COL27A1: variants seen among roughly 807,000 people sequenced by gnomAD.
COL27A1 encodes the protein collagen alpha-1(XXVII) chain.
In COL27A1, 106 loss-of-function variants were observed where a neutral mutation model predicts 251.3. The ratio of observed to expected loss-of-function variants is 0.42; its 90% CI spans 0.36 to 0.50. COL27A1 has a LOEUF of 0.50. COL27A1 is among the 20% of genes least tolerant of loss of function. The pLI, the probability that COL27A1 is intolerant of heterozygous loss-of-function variation, is 0.00. For synonymous variants in COL27A1, 1,000 were observed against 986.3 expected, an observed-to-expected ratio of 1.01 and a Z score of -0.26; for missense variants, 2,325 against 2,522.8, an observed-to-expected ratio of 0.92 and a Z score of 1.68.
In COL27A1 at chr9:114,175,690, A is replaced by G. The variant is rs566150649; in HGVS notation, c.1909-2601A>G. On this transcript the variant is annotated intron_variant, in intron 3 of 60. Transcript: ENST00000356083. ...GTCAGACTCTATCCTGGATGCCCCT[A>G]TTTCTGGGGCAGAAGACATGCCAAG... Among the ~76,000 whole-genome samples, 3 of 152,140 alleles carry G rather than the reference A, an allele frequency of 2.0e-5. No homozygotes were observed. The East Asian group carries it at 5.8e-4, about 30-fold the overall frequency.
Position 114,301,123 on chromosome 9 carries a change from C to T in COL27A1, c.4753C>T (p.Pro1585Ser). 1 of 1,613,664 alleles carries T rather than the reference C, an allele frequency of 6.2e-7. No individual in the cohort carries two copies. The highest frequency in any genetic ancestry group is 1.3e-5 in the African/African-American group (1 of 75,046). Reference sequence around the variant, plus strand: ...CGGAATCCTGGGACCTTCGGGACTCCCGGTATGTGTGGGGATTGGACAGGA... The same window carrying T: ...CGGAATCCTGGGACCTTCGGGACTCTCGGTATGTGTGGGGATTGGACAGGA... ...PLGILGPSGL[P>S]GPKGDKGSRG... The change falls in exon 52 of 61, where the codon CCG becomes TCG. Residue 1585 changes from proline (P) to serine (S), a missense_variant and splice_region_variant. Physicochemically the swap from Pro to Ser is moderately conservative, Grantham distance 74. Transcript: ENST00000356083.
intron 44 of COL27A1, 84 bp downstream of exon 44, chr9:114,289,051 G>A (rs1827717970): frequency 1.3e-6 from 2 of 1,516,676 alleles, no homozygotes; most frequent in East Asian, 2.3e-5. Flanking sequence ...GCCCTTTAAA[G>A]CTTAAAGGGA....
chr9:114,179,199 C>G (rs990742981), intron 4 of COL27A1, among the ~76,000 whole-genome samples: 1 of 152,178 alleles, frequency 6.6e-6, no homozygotes, highest in Non-Finnish European at 1.5e-5. Flanking sequence ...CTGAGCCCAG[C>G]GAGTGGTTCT....
At chr9:114,162,665 G>A (rs1848580529) in intron 1 of COL27A1, 50 bp from the exon 2 acceptor site, 19 of 1,362,482 alleles carry the variant, frequency 1.4e-5, no homozygotes, top group Non-Finnish European at 2.0e-5. Context: ...GGATCCGGGT[G>A]TGAGGGGTGG....
At position 114,290,997 on chromosome 9, in the gene COL27A1, G is replaced by A; in HGVS notation, c.4476+80G>A. Reference sequence around the variant, plus strand: ...GACTCTAGTGGTTCCGACCCTTTGGGCACCCATGTCCCAGGGCCTGTGTGA... The same window carrying A: ...GACTCTAGTGGTTCCGACCCTTTGGACACCCATGTCCCAGGGCCTGTGTGA... On this transcript the variant is annotated intron_variant, in intron 48 of 60. Transcript: ENST00000356083. This position sits in a 1 kb window ranked among gnomAD's most constrained non-coding sequence, Gnocchi z 4.6. 1 of 1,009,866 alleles carries A rather than the reference G, an allele frequency of 9.9e-7. No individual in the cohort carries two copies. Among genetic ancestry groups the A allele is most frequent in the Non-Finnish European group, 1.5e-6 (1 of 686,996 alleles). The allele number at this position is 1,009,866 out of a possible 1,614,324, so 62.6% of individuals were successfully genotyped here.
At chr9:114,256,442 A>G (rs557650240) in intron 27 of COL27A1, among the ~76,000 whole-genome samples, 3 of 152,184 alleles carry the variant, frequency 2.0e-5, no homozygotes, top group Non-Finnish European at 4.4e-5. Flanking sequence ...GCAGTGAGCC[A>G]AGATAGCGCC....
At chr9:114,256,354 A>G (rs940280859) in intron 27 of COL27A1, among the ~76,000 whole-genome samples, 2 of 152,202 alleles carry the variant, frequency 1.3e-5, no homozygotes, top group Admixed American at 1.3e-4. Context: ...TTAGCCGGGC[A>G]TGGCGGCGGG....
chr9:114,276,541 G>T (rs58330214), intron 37 of COL27A1, among the ~76,000 whole-genome samples: 3,412 of 152,248 alleles, frequency 0.022, 114 homozygotes, highest in African/African-American at 0.078. Context: ...GGAGGCGGGG[G>T]TTGCAATGAG....
At chr9:114,175,387 C>G (rs10759684) in intron 3 of COL27A1, among the ~76,000 whole-genome samples, 1 of 152,086 alleles carries the variant, frequency 6.6e-6, no homozygotes, top group African/African-American at 2.4e-5. Flanking sequence ...TTTTCCACTG[C>G]GGAGAGAACA....
chr9:114,284,528 TG>T (rs1467776646), intron 40 of COL27A1, among the ~76,000 whole-genome samples, 195 bp from the exon 41 acceptor site: 1 of 152,154 alleles, frequency 6.6e-6, no homozygotes, highest in Non-Finnish European at 1.5e-5. Flanking sequence ...AACACCCCTT[TG>T]GGGTGTGTCT....
At chr9:114,306,252 C>T (rs542694491) in intron 57 of COL27A1, 8 of 360,356 alleles carry the variant, frequency 2.2e-5, no homozygotes, top group Admixed American at 1.7e-4. Flanking sequence ...ACCTCATTCA[C>T]GGGGCTCTGC....
rs765454716 is a variant in COL27A1, at chr9:114,167,741, T to C, written c.186T>C (p.Pro62=). 1.1e-5 allele frequency: 18 copies of C among 1,613,704 alleles called. No individual in the cohort carries two copies. In the Middle Eastern group the frequency reaches 6.6e-4, roughly 59 times the overall value. The part of the protein sequence containing the change: ...LGLSWTKAGS[P]APPGVIPFQS... ...TCAGCTGGACGAAGGCCGGGAGCCCTGCACCCCCGGGAGTCATTCCTTTCC... is the reference window on the plus strand; with the variant it reads ...TCAGCTGGACGAAGGCCGGGAGCCCCGCACCCCCGGGAGTCATTCCTTTCC... Residue 62 remains proline (P), a synonymous_variant, in exon 3 of 61, where the codon CCT becomes CCC. Transcript: ENST00000356083.
At chr9:114,158,006 T>C (rs1007265621) in intron 1 of COL27A1, among the ~76,000 whole-genome samples, 3 of 152,196 alleles carry the variant, frequency 2.0e-5, no homozygotes, top group Non-Finnish European at 4.4e-5. Context: ...GGGAAAGTTC[T>C]GGGCTGCATC....
intron 56 of COL27A1, 70 bp from the exon 57 acceptor site, chr9:114,304,538 G>A (rs1252691862): frequency 1.4e-6 from 2 of 1,431,310 alleles, no homozygotes; most frequent in African/African-American, 1.4e-5. Context: ...TGTGGCCCTG[G>A]GGCTCCCACT....
At chr9:114,163,939 CCTT>C (rs1315001696) in intron 2 of COL27A1, among the ~76,000 whole-genome samples, 1 of 152,116 alleles carries the variant, frequency 6.6e-6, no homozygotes, top group Non-Finnish European at 1.5e-5. Flanking sequence ...CTGGCAGGCT[CCTT>C]CTATCTTGGC....
intron 19 of COL27A1, among the ~76,000 whole-genome samples, chr9:114,238,014 T>A (rs1299873033): frequency 6.6e-6 from 1 of 152,182 alleles, no homozygotes; most frequent in Non-Finnish European, 1.5e-5. Flanking sequence ...CACTGTCTGG[T>A]CCCTCACAGG....
At chr9:114,155,314 G>A (rs544365440), upstream of COL27A1, among the ~76,000 whole-genome samples, 4 of 152,144 alleles carry the variant, frequency 2.6e-5, no homozygotes, top group South Asian at 8.3e-4. The surrounding 1 kb of genome is among the most constrained non-coding windows in gnomAD (Gnocchi z 5.5). Flanking sequence ...TGAAGCCCTG[G>A]GCAGCCCCTT....
rs76014959 is a variant in COL27A1, at chr9:114,248,534, C to T, written c.2980-2081C>T. Among the ~76,000 whole-genome samples, 1,362 of 152,314 alleles carry T rather than the reference C, an allele frequency of 8.9e-3. 23 individuals carry two copies. Among genetic ancestry groups the T allele is most frequent in the African/African-American group, 0.031 (1,280 of 41,570 alleles). On this transcript the variant is annotated intron_variant, in intron 24 of 60. Coordinates refer to ENST00000356083, the MANE Select transcript of COL27A1 (RefSeq NM_032888.4). ...TAACAATGCTGCCTCCTCCCATGCCCGCCTTGCCAGCCCTAGAGGAGCCAG... is the reference window on the plus strand; with the variant it reads ...TAACAATGCTGCCTCCTCCCATGCCTGCCTTGCCAGCCCTAGAGGAGCCAG...
At chr9:114,295,893 C>T (rs1828227529) in intron 49 of COL27A1, among the ~76,000 whole-genome samples, 1 of 152,156 alleles carries the variant, frequency 6.6e-6, no homozygotes, top group South Asian at 2.1e-4. Context: ...GGTGATCCAC[C>T]ACCTCGGCCT....
Sources: allele counts gnomAD v4.1 joint callset (sites outside exome capture counted in the v4.1 genomes callset), GRCh38; gene constraint gnomAD v4.1.1; non-coding constraint Gnocchi (gnomAD v3.1); transcripts MANE v1.5; gene names NCBI Gene and HGNC (gene_info 2026-07-23, HGNC 2026-07-21).